CDH13: variants seen among roughly 807,000 people sequenced by gnomAD.
The protein encoded by CDH13 is cadherin-13.
CDH13 carries 24 observed loss-of-function variants against 63.8 expected under a neutral mutation model. The ratio of observed to expected loss-of-function variants is 0.38; its 90% CI spans 0.27 to 0.53. CDH13 has a LOEUF of 0.53. Among genes scored for constraint, CDH13 ranks in the 20% least tolerant of loss-of-function variants. The pLI, the probability that CDH13 is intolerant of heterozygous loss-of-function variation, is 0.85. For missense variants in CDH13, 1,049 were observed against 903.1 expected (o/e 1.16, Z -2.07); for synonymous variants, 503 against 355.3 (o/e 1.42, Z -4.67).
At chr16:82,678,082 C>A (rs570824361) in intron 1 of CDH13, among the ~76,000 whole-genome samples, 2 of 152,104 alleles carry the variant, frequency 1.3e-5, no homozygotes, top group Non-Finnish European at 2.9e-5. Flanking sequence ...GTCATCTTCA[C>A]CCTCTACACT....
At chr16:83,042,862 T>C (rs1917447055) in intron 3 of CDH13, among the ~76,000 whole-genome samples, 1 of 152,212 alleles carries the variant, frequency 6.6e-6, no homozygotes, top group Non-Finnish European at 1.5e-5. Context: ...AATCTGCACA[T>C]TTGCTGTGAC....
intron 4 of CDH13, among the ~76,000 whole-genome samples, chr16:83,178,552 A>T (rs111406256): frequency 6.6e-6 from 1 of 152,226 alleles, no homozygotes; most frequent in African/African-American, 2.4e-5. Flanking sequence ...TATTTGGATC[A>T]GTGGGCCATT....
At chr16:83,037,118 G>C (rs1486051436) in intron 3 of CDH13, among the ~76,000 whole-genome samples, 1 of 152,234 alleles carries the variant, frequency 6.6e-6, no homozygotes, top group South Asian at 2.1e-4. Context: ...GGAGTAGGGA[G>C]AGACTAGAGC....
chr16:83,491,141 A>T (rs542432893), intron 7 of CDH13, among the ~76,000 whole-genome samples: 135 of 152,346 alleles, frequency 8.9e-4, no homozygotes, highest in Non-Finnish European at 1.8e-3. Flanking sequence ...TTGTGCAATC[A>T]TCTGGTAATC....
intron 5 of CDH13, among the ~76,000 whole-genome samples, chr16:83,317,847 C>G (rs1175378732): frequency 6.6e-6 from 1 of 151,882 alleles, no homozygotes; most frequent in African/African-American, 2.4e-5. Flanking sequence ...ATGCTCCCCA[C>G]TCCCAAGTGG....
intron 1 of CDH13, among the ~76,000 whole-genome samples, chr16:82,696,076 G>C (rs1254884748): frequency 6.6e-6 from 1 of 152,120 alleles, no homozygotes; most frequent in African/African-American, 2.4e-5. Context: ...AACTAGATGT[G>C]CTTGACCAGG....
At chr16:83,718,043 T>A (rs148907436) in intron 10 of CDH13, 11 of 152,392 alleles carry the variant, frequency 7.2e-5, no homozygotes, top group African/African-American at 2.4e-4. Context: ...TGTCTTACTT[T>A]GGACAGTCTT....
intron 1 of CDH13, among the ~76,000 whole-genome samples, chr16:82,743,693 A>G (rs1002597082): frequency 6.6e-6 from 1 of 152,244 alleles, no homozygotes; most frequent in South Asian, 2.1e-4. Flanking sequence ...AAGCGTGTGA[A>G]TATGGAAAAC....
At chr16:82,639,003 T>C (rs1462149187) in intron 1 of CDH13, among the ~76,000 whole-genome samples, 1 of 152,198 alleles carries the variant, frequency 6.6e-6, no homozygotes, top group Non-Finnish European at 1.5e-5. Context: ...AGAAGAAGTT[T>C]TGAGTGGTGG....
intron 1 of CDH13, among the ~76,000 whole-genome samples, chr16:82,804,707 A>G (rs2037057719): frequency 6.6e-6 from 1 of 152,170 alleles, no homozygotes; most frequent in Non-Finnish European, 1.5e-5. Context: ...TTCCCTTGGT[A>G]TGTAGCAACT....
chr16:83,038,553 G>C (rs141530820), intron 3 of CDH13, among the ~76,000 whole-genome samples: 1 of 152,264 alleles, frequency 6.6e-6, no homozygotes, highest in Non-Finnish European at 1.5e-5. Context: ...GACACACCAA[G>C]TTATGTCTGG....
At chr16:83,415,059 A>T (rs1282477764) in intron 6 of CDH13, among the ~76,000 whole-genome samples, 1 of 152,164 alleles carries the variant, frequency 6.6e-6, no homozygotes, top group Non-Finnish European at 1.5e-5. Context: ...TCAAATAAAT[A>T]AAATTAGAAA....
At chr16:82,962,265 C>T (rs1353264247) in intron 2 of CDH13, among the ~76,000 whole-genome samples, 2 of 152,180 alleles carry the variant, frequency 1.3e-5, no homozygotes, top group Non-Finnish European at 2.9e-5. Context: ...GCAGAAATTA[C>T]AGCAATATGG....
intron 1 of CDH13, among the ~76,000 whole-genome samples, chr16:82,761,481 G>C (rs1235193623): frequency 6.6e-6 from 1 of 152,160 alleles, no homozygotes; most frequent in Non-Finnish European, 1.5e-5. Flanking sequence ...TCTAAACTTA[G>C]CTTTCATGTT....
Position 82,856,867 on chromosome 16 carries a change from G to A in CDH13, c.46-1495G>A, listed in dbSNP as rs183453878. Among the ~76,000 whole-genome samples, 12 of 152,224 alleles carry A rather than the reference G, an allele frequency of 7.9e-5. No homozygotes were observed. In the East Asian group the frequency reaches 1.9e-3, roughly 25 times the overall value. On this transcript the variant is annotated intron_variant, in intron 1 of 13. Transcript: ENST00000567109. ...GCACTCAATCCCAGGTGGAAACTGG[G>A]AGACAAAATGCGTATCTCCAAGTGA... is the stretch of plus-strand genomic sequence containing the variant.
chr16:83,720,033 C>T (rs1345041449), intron 10 of CDH13, among the ~76,000 whole-genome samples: 3 of 152,192 alleles, frequency 2.0e-5, no homozygotes, highest in Non-Finnish European at 2.9e-5. Context: ...TGGAATCAAG[C>T]TTGTCTTCCT....
chr16:82,839,652 G>A (rs1180382572), intron 1 of CDH13, among the ~76,000 whole-genome samples: 2 of 152,090 alleles, frequency 1.3e-5, no homozygotes, highest in Non-Finnish European at 2.9e-5. Flanking sequence ...GGCCAGATGG[G>A]GTCTGTGGCC....
At chr16:83,661,765 A>C (rs1913464954) in intron 8 of CDH13, among the ~76,000 whole-genome samples, 1 of 152,196 alleles carries the variant, frequency 6.6e-6, no homozygotes, top group Non-Finnish European at 1.5e-5. Context: ...AAAGCCATGG[A>C]CTCAGCACCT....
chr16:83,365,384 G>T (rs1172507552), intron 6 of CDH13, among the ~76,000 whole-genome samples: 2 of 152,180 alleles, frequency 1.3e-5, no homozygotes, highest in African/African-American at 4.8e-5. Flanking sequence ...CCTTTTCTCA[G>T]TCTAATAATT....
Sources: allele counts gnomAD v4.1 joint callset (sites outside exome capture counted in the v4.1 genomes callset), GRCh38; gene constraint gnomAD v4.1.1; transcripts MANE v1.5; gene names NCBI Gene and HGNC (gene_info 2026-07-23, HGNC 2026-07-21).